Variants in ADCY5 observed in about 807,000 individuals in gnomAD.
ADCY5 encodes adenylate cyclase type 5.
A neutral mutation model predicts 119.7 loss-of-function variants in ADCY5; 30 were observed. The ratio of observed to expected loss-of-function variants is 0.25; its 90% CI spans 0.19 to 0.34. ADCY5 has a LOEUF of 0.34. ADCY5 is among the 10% of genes least tolerant of loss of function. The pLI, the probability that ADCY5 is intolerant of heterozygous loss-of-function variation, is 1.00. For missense variants in ADCY5, 1,324 were observed against 1,775.2 expected (o/e 0.75, Z 4.57); for synonymous variants, 753 against 762.2 (o/e 0.99, Z 0.20).
Position 123,313,968 on chromosome 3 carries a change from G to T in ADCY5, c.2442+267C>A, listed in dbSNP as rs9870651. 0.28 allele frequency among the ~76,000 whole-genome samples: 43,329 copies of T among 152,168 alleles called. 7,613 individuals carry two copies. Among genetic ancestry groups the T allele is most frequent in the Non-Finnish European group, 0.4 (27,508 of 67,962 alleles). ...CTTGTGCATAACATGAATAGGCACA[G>T]CACCCACAGCATCTTCTGGTTGCAG... On this transcript the variant is annotated intron_variant, in intron 12 of 20. Transcript: ENST00000462833.
chr3:123,347,719 G>GA, intron 3 of ADCY5, 63 bp downstream of exon 3: 2 of 1,601,508 alleles, frequency 1.2e-6, no homozygotes, highest in Non-Finnish European at 1.7e-6. Flanking sequence ...AAGGAAGTGG[G>GA]ATGTCTCCAC....
intron 1 of ADCY5, among the ~76,000 whole-genome samples, chr3:123,443,447 A>G (rs1945757162): frequency 6.6e-6 from 1 of 152,094 alleles, no homozygotes; most frequent in Non-Finnish European, 1.5e-5. Context: ...TCAGCCTCAT[A>G]CCAGATAGAC....
At chr3:123,439,085 T>TTTTTTTTTTTTTTTTC in intron 1 of ADCY5, among the ~76,000 whole-genome samples, 1 of 139,890 alleles carries the variant, frequency 7.1e-6, no homozygotes, top group Non-Finnish European at 1.5e-5. Flanking sequence ...GCTTTTTTTT[T>TTTTTTTTTTTTTTTTC]TGAGATGGAG....
intron 1 of ADCY5, among the ~76,000 whole-genome samples, chr3:123,437,837 T>TGTG (rs1945646983): frequency 6.6e-6 from 1 of 152,134 alleles, no homozygotes. Context: ...CAAGGGTCAT[T>TGTG]GTGCAGACCC....
chr3:123,351,991 C>T (rs760976317), intron 2 of ADCY5, among the ~76,000 whole-genome samples: 1 of 152,166 alleles, frequency 6.6e-6, no homozygotes, highest in Non-Finnish European at 1.5e-5. Context: ...GGGATGACAG[C>T]TCCTGTCTCC....
At position 123,328,697 on chromosome 3, in the gene ADCY5, G is replaced by C; in HGVS notation, c.1752C>G (p.Val584=). The change falls in exon 6 of 21, where the codon GTC becomes GTG. Residue 584 remains valine, a synonymous_variant. Transcript: ENST00000462833. ...VLGLRKWQFD[V]WSNDVTLANH... is the part of the protein sequence containing the mutation. Reference sequence around the variant, plus strand: ...TGGCTAGCGTGACATCGTTAGACCAGACGTCGAACTGCCACTTCCTGAGAC... The same window carrying C: ...TGGCTAGCGTGACATCGTTAGACCACACGTCGAACTGCCACTTCCTGAGAC... 1 of 1,614,232 alleles carries C rather than the reference G, an allele frequency of 6.2e-7. No individual in the cohort carries two copies. The highest frequency in any genetic ancestry group is 1.3e-5 in the African/African-American group (1 of 75,074).
chr3:123,412,973 C>G (rs1434999293), intron 1 of ADCY5, among the ~76,000 whole-genome samples: 3 of 152,226 alleles, frequency 2.0e-5, no homozygotes, highest in Non-Finnish European at 4.4e-5. Context: ...CACAGGCCAG[C>G]CTGCACTGTC....
At chr3:123,333,648 C>T (rs142268999) in intron 3 of ADCY5, among the ~76,000 whole-genome samples, 149 of 152,346 alleles carry the variant, frequency 9.8e-4, no homozygotes, top group African/African-American at 2.3e-3. Flanking sequence ...CAGGAGGGTG[C>T]GGGACAGGGG....
intron 11 of ADCY5, among the ~76,000 whole-genome samples, chr3:123,314,640 C>T (rs1028786033): frequency 6.6e-6 from 1 of 152,220 alleles, no homozygotes; most frequent in East Asian, 1.9e-4. Flanking sequence ...CCAGGTGACA[C>T]CTGATAGGTA....
intron 1 of ADCY5, among the ~76,000 whole-genome samples, chr3:123,376,106 C>A (rs1943823458): frequency 6.6e-6 from 1 of 152,022 alleles, no homozygotes; most frequent in Non-Finnish European, 1.5e-5. Flanking sequence ...GCTGGGCAGT[C>A]CTGCCTGTTT....
chr3:123,430,663 C>A (rs995840687), intron 1 of ADCY5, among the ~76,000 whole-genome samples: 2 of 152,226 alleles, frequency 1.3e-5, no homozygotes, highest in African/African-American at 2.4e-5. Context: ...CCCCAGATAA[C>A]CCCTTTCCAA....
chr3:123,420,637 G>A (rs1288746035), intron 1 of ADCY5, among the ~76,000 whole-genome samples: 1 of 152,178 alleles, frequency 6.6e-6, no homozygotes, highest in African/African-American at 2.4e-5. Flanking sequence ...GGTCTGCTCA[G>A]TTCTGACACT....
At chr3:123,298,830 C>CTTTTTTTTTTTTTTTTTTTTTTT (rs35856404) in intron 15 of ADCY5, among the ~76,000 whole-genome samples, 1 of 102,532 alleles carries the variant, frequency 9.8e-6, no homozygotes, top group Admixed American at 1.2e-4. Flanking sequence ...AAAACTGTCA[C>CTTTTTTTTTTTTTTTTTTTTTTT]TTTTTTTTTT....
At chr3:123,314,382 G>A in intron 11 of ADCY5, 60 bp from the exon 12 acceptor site, 2 of 1,373,056 alleles carry the variant, frequency 1.5e-6, no homozygotes, top group Non-Finnish European at 2.0e-6. Context: ...TGCAGCTTCT[G>A]GGGGACCTGC....
At chr3:123,364,925 GT>G (rs766860663) in intron 1 of ADCY5, among the ~76,000 whole-genome samples, 3 of 146,426 alleles carry the variant, frequency 2.0e-5, no homozygotes, top group Non-Finnish European at 4.5e-5. Context: ...TTGGTATCCT[GT>G]GTTTTTCACT....
chr3:123,308,432 C>T (rs1940333796), intron 12 of ADCY5, among the ~76,000 whole-genome samples: 1 of 152,190 alleles, frequency 6.6e-6, no homozygotes, highest in South Asian at 2.1e-4. Flanking sequence ...GAAGATTTGA[C>T]ATCCTGTCTT....
chr3:123,302,612 G>A (rs764221633), intron 14 of ADCY5, among the ~76,000 whole-genome samples: 23 of 152,274 alleles, frequency 1.5e-4, no homozygotes, highest in African/African-American at 5.5e-4. Flanking sequence ...TCAGGAGCAC[G>A]AACTCTGTCT....
intron 11 of ADCY5, among the ~76,000 whole-genome samples, chr3:123,315,078 T>C (rs1365103866): frequency 1.3e-5 from 2 of 152,168 alleles, no homozygotes; most frequent in African/African-American, 2.4e-5. Context: ...GAACTTCCCA[T>C]TGGCCCTCCT....
chr3:123,396,646 GAA>G (rs1175424190), intron 1 of ADCY5, among the ~76,000 whole-genome samples: 1 of 145,264 alleles, frequency 6.9e-6, no homozygotes, highest in African/African-American at 2.6e-5. Context: ...GAAGGAGACA[GAA>G]AGAGAGAGAG....
Sources: gnomAD v4.1 joint callset for allele counts (sites outside exome capture counted in the v4.1 genomes callset) on GRCh38, gnomAD v4.1.1 for gene constraint, MANE v1.5 for transcripts, NCBI Gene and HGNC (gene_info 2026-07-23, HGNC 2026-07-21) for gene names.